RANBP2: variants seen among roughly 807,000 people sequenced by gnomAD.
RANBP2 encodes RAN binding protein 2, also known as E3 SUMO-protein ligase RanBP2.
Under a neutral mutation model 303.6 loss-of-function variants are expected in RANBP2, and 57 were observed. The ratio of observed to expected loss-of-function variants is 0.19; its 90% CI spans 0.15 to 0.23. RANBP2 has a LOEUF of 0.23. Among genes scored for constraint, RANBP2 ranks in the 10% least tolerant of loss-of-function variants. The pLI, the probability that RANBP2 is intolerant of heterozygous loss-of-function variation, is 1.00. For missense variants in RANBP2, 3,138 were observed against 3,780.8 expected (o/e 0.83, Z 4.46); for synonymous variants, 1,167 against 1,301.5 (o/e 0.90, Z 2.23).
the RANBP2 span, among the ~76,000 whole-genome samples, chr2:109,569,865 C>T: frequency 6.6e-6 from 1 of 152,072 alleles, no homozygotes; most frequent in Admixed American, 6.6e-5. Context: ...AGATAACTTT[C>T]CATGTCAAGC....
At chr2:109,004,486 G>T in the RANBP2 span, among the ~76,000 whole-genome samples, 3 of 152,216 alleles carry the variant, frequency 2.0e-5, no homozygotes, top group African/African-American at 7.2e-5. Flanking sequence ...CATGCTTCAG[G>T]TGTTCTTGTG....
the RANBP2 span, among the ~76,000 whole-genome samples, chr2:109,211,367 A>G: frequency 6.6e-6 from 1 of 152,256 alleles, no homozygotes; most frequent in Admixed American, 6.5e-5. Context: ...ATTTAATGAA[A>G]TTCACAGAAG....
At chr2:109,294,507 G>C in the RANBP2 span, among the ~76,000 whole-genome samples, 2 of 149,550 alleles carry the variant, frequency 1.3e-5, no homozygotes, top group Admixed American at 6.7e-5. Flanking sequence ...GTTGCAGTGA[G>C]CCAAGATCAC....
chr2:109,510,196 G>C, the RANBP2 span, among the ~76,000 whole-genome samples: 1 of 152,362 alleles, frequency 6.6e-6, no homozygotes, highest in Admixed American at 6.5e-5. Flanking sequence ...GGAGGAGAGG[G>C]CTGAGGTGAG....
the RANBP2 span, among the ~76,000 whole-genome samples, chr2:109,187,998 G>T: frequency 6.6e-6 from 1 of 152,218 alleles, no homozygotes; most frequent in South Asian, 2.1e-4. Context: ...CACAGCGGGG[G>T]TTGCCTCTGC....
chr2:108,962,060 T>C, the RANBP2 span, among the ~76,000 whole-genome samples: 1 of 152,206 alleles, frequency 6.6e-6, no homozygotes, highest in African/African-American at 2.4e-5. Context: ...GAGACTTTTT[T>C]CCCTGTGTAA....
At position 108,764,327 on chromosome 2, in the gene RANBP2, C is replaced by G. The variant is rs1350856929; in HGVS notation, c.3788C>G (p.Ser1263Cys). ...ACACCAAATGCTGGATCAGACAGAT[C>G]TTTTGTATGGCATGCCCTTGATTAT... The part of the protein sequence containing the change: ...KLTPNAGSDR[S>C]FVWHALDYAD... Residue 1263 changes from serine (S) to cysteine (C), a missense_variant, in exon 20 of 29, where the codon TCT becomes TGT. Physicochemically the swap from Ser to Cys is moderately radical, Grantham distance 112. This residue lies in a region of RANBP2 where 72 missense variants were observed against 119.5 expected (regional missense o/e 0.60). Transcript: ENST00000283195. The G allele has an allele frequency of 6.2e-7, 1 of 1,613,632 alleles. No homozygotes were observed. The highest frequency in any genetic ancestry group is 8.5e-7 in the Non-Finnish European group (1 of 1,179,982).
the RANBP2 span, among the ~76,000 whole-genome samples, chr2:109,213,012 C>T: frequency 1.1e-4 from 16 of 152,162 alleles, no homozygotes; most frequent in South Asian, 2.1e-4. Context: ...GTGCAGGTGT[C>T]GGCAGCAGGG....
At chr2:109,613,769 G>T in the RANBP2 span, 7 of 1,215,204 alleles carry the variant, frequency 5.8e-6, no homozygotes, top group Non-Finnish European at 7.2e-6. Context: ...GGAGCGCGGG[G>T]CTGGGGCCCC....
At chr2:109,417,218 G>A in the RANBP2 span, among the ~76,000 whole-genome samples, 1 of 152,188 alleles carries the variant, frequency 6.6e-6, no homozygotes, top group African/African-American at 2.4e-5. Context: ...GGAGAGTGAG[G>A]TGACAGCTTC....
the RANBP2 span, among the ~76,000 whole-genome samples, chr2:108,974,501 G>T: frequency 6.6e-6 from 1 of 151,754 alleles, no homozygotes; most frequent in Non-Finnish European, 1.5e-5. Flanking sequence ...GGAGGCCAAG[G>T]GGGGTGGATC....
At chr2:109,307,198 A>G in the RANBP2 span, among the ~76,000 whole-genome samples, 1 of 152,224 alleles carries the variant, frequency 6.6e-6, no homozygotes, top group Non-Finnish European at 1.5e-5. Flanking sequence ...TGGGAGGTGC[A>G]CATTTGAAAA....
chr2:109,585,225 A>C, the RANBP2 span: 1 of 1,613,114 alleles, frequency 6.2e-7, no homozygotes, highest in South Asian at 1.1e-5. Flanking sequence ...CTGAGCTTTA[A>C]GTTTAACATT....
the RANBP2 span, among the ~76,000 whole-genome samples, chr2:109,319,396 C>T: frequency 0.31 from 47,288 of 152,106 alleles, 9,084 homozygotes; most frequent in African/African-American, 0.54. Flanking sequence ...AGTGGGGTCC[C>T]GGGGATCACC....
At chr2:109,245,939 A>G in the RANBP2 span, among the ~76,000 whole-genome samples, 1 of 152,096 alleles carries the variant, frequency 6.6e-6, no homozygotes, top group African/African-American at 2.4e-5. Context: ...TGAGGGAACA[A>G]AAAAAAATTA....
chr2:108,909,664 T>A, the RANBP2 span, among the ~76,000 whole-genome samples: 1 of 152,094 alleles, frequency 6.6e-6, no homozygotes, highest in African/African-American at 2.4e-5. Flanking sequence ...TGCTGTGGGG[T>A]TGATTTTTGG....
At chr2:109,253,090 C>T in the RANBP2 span, among the ~76,000 whole-genome samples, 3 of 151,888 alleles carry the variant, frequency 2.0e-5, no homozygotes, top group Admixed American at 6.6e-5. Context: ...TGCAGTGGTG[C>T]GATCTCAGGT....
At chr2:108,831,239 T>C in the RANBP2 span, among the ~76,000 whole-genome samples, 5 of 152,062 alleles carry the variant, frequency 3.3e-5, no homozygotes, top group Admixed American at 6.6e-5. Context: ...CAAAAGGCAA[T>C]GTATCTGATG....
chr2:109,733,047 G>A, the RANBP2 span: 1 of 564,266 alleles, frequency 1.8e-6, no homozygotes, highest in Non-Finnish European at 3.5e-6. Flanking sequence ...AGACCTCCAA[G>A]AAGGAGAAAC....
Sources: gnomAD v4.1 joint callset for allele counts (sites outside exome capture counted in the v4.1 genomes callset) on GRCh38, gnomAD v4.1.1 for gene constraint, gnomAD v4.1.1 regional missense constraint, MANE v1.5 for transcripts, NCBI Gene and HGNC (gene_info 2026-07-23, HGNC 2026-07-21) for gene names.